The following CUL2 variants were observed in gnomAD, a reference collection of about 807,000 sequenced individuals.
CUL2 encodes cullin-2.
Under a neutral mutation model 110.2 loss-of-function variants are expected in CUL2, and 22 were observed. That is an observed-to-expected ratio of 0.20 (90% CI 0.14 to 0.28). The LOEUF (loss-of-function observed/expected upper bound fraction) is 0.28. Ranked by LOEUF, CUL2 falls within the 10% of genes least tolerant of loss-of-function variation. The pLI is 1.00. For missense variants in CUL2, 631 were observed against 905.5 expected (o/e 0.70, Z 3.89); for synonymous variants, 279 against 293.2 (o/e 0.95, Z 0.49).
chr10:35,063,099 A>G, intron 2 of CUL2, 37 bp from the exon 3 acceptor site: 1 of 1,160,952 alleles, frequency 8.6e-7, no homozygotes, highest in East Asian at 2.3e-5. Flanking sequence ...TTTATTGGAG[A>G]CAATTTTAAA....
chr10:35,096,387 T>G (rs1036148820), intron 2 of CUL2, among the ~76,000 whole-genome samples: 1 of 152,166 alleles, frequency 6.6e-6, no homozygotes, highest in Non-Finnish European at 1.5e-5. Flanking sequence ...GAAGGGTTAC[T>G]TGAGGCCAGG....
chr10:35,071,457 T>A, intron 1 of CUL2, 118 bp from the exon 2 acceptor site: 1 of 791,590 alleles, frequency 1.3e-6, no homozygotes, highest in East Asian at 2.8e-5. Flanking sequence ...CAGGCTGGAG[T>A]GCAATGGCGT....
chr10:35,115,196 C>T (rs962192064), intron 1 of CUL2, among the ~76,000 whole-genome samples: 1 of 151,294 alleles, frequency 6.6e-6, no homozygotes, highest in Non-Finnish European at 1.5e-5. Context: ...CGAGGTCATG[C>T]TACTGCATGC....
rs146014357 is a variant in CUL2, at chr10:35,088,444, T to A, written c.-23+1735A>T. On this transcript the variant is annotated intron_variant, in intron 1 of 20. Coordinates refer to ENST00000374749, the MANE Select transcript of CUL2 (RefSeq NM_003591.4). ...AATTGCTTGAACTGGGAGGTTGCAG[T>A]GAGCCCAGATCGTGCCACCGCACTT... 8.3e-4 allele frequency among the ~76,000 whole-genome samples: 100 copies of A among 120,944 alleles called. 2 individuals are homozygous for A. In the East Asian group the frequency reaches 0.024, roughly 29 times the overall value. 79.3% of individuals were successfully genotyped at this position (120,944 alleles called of 152,430 possible). A position where few individuals can be genotyped will look rare whatever the true frequency, so the allele number is the denominator to read the frequency against.
At chr10:35,043,246 T>G (rs954045694) in intron 8 of CUL2, among the ~76,000 whole-genome samples, 3 of 152,098 alleles carry the variant, frequency 2.0e-5, no homozygotes, top group African/African-American at 7.3e-5. Context: ...CAGAGCAAAG[T>G]GCATGTATCA....
chr10:35,092,445 G>A (rs11593858), upstream of CUL2, among the ~76,000 whole-genome samples: 44,571 of 152,076 alleles, frequency 0.29, 7,063 homozygotes, highest in South Asian at 0.35. Context: ...TGGATGAAGC[G>A]GAAGCATTAA....
chr10:35,021,262 C>CT (rs35593540), intron 17 of CUL2, among the ~76,000 whole-genome samples: 114 of 144,760 alleles, frequency 7.9e-4, no homozygotes, highest in Middle Eastern at 3.5e-3. Context: ...TTCTTTCTTT[C>CT]TTTTTTTTTT....
At chr10:35,108,476 A>AG (rs1222595886) in intron 1 of CUL2, among the ~76,000 whole-genome samples, 2 of 151,960 alleles carry the variant, frequency 1.3e-5, no homozygotes, top group Admixed American at 6.6e-5. Context: ...AAGGAAAAAA[A>AG]GAAAAAAAAC....
At chr10:35,075,207 C>T (rs1427098779) in intron 1 of CUL2, among the ~76,000 whole-genome samples, 3 of 152,138 alleles carry the variant, frequency 2.0e-5, no homozygotes, top group Admixed American at 2.0e-4. Context: ...GTGAAACACA[C>T]CAAAAACTGA....
chr10:35,109,088 C>G (rs1360517969), intron 1 of CUL2, among the ~76,000 whole-genome samples: 2 of 151,980 alleles, frequency 1.3e-5, no homozygotes, highest in Non-Finnish European at 2.9e-5. Flanking sequence ...TGGTGCACAC[C>G]TATAGTTCCA....
intron 1 of CUL2, among the ~76,000 whole-genome samples, chr10:35,121,158 A>C (rs757998610): frequency 6.6e-6 from 1 of 152,216 alleles, no homozygotes; most frequent in Non-Finnish European, 1.5e-5. Context: ...AGGAGCTATT[A>C]GAGAAAGAGT....
At chr10:35,109,237 C>A (rs1465761521) in intron 1 of CUL2, among the ~76,000 whole-genome samples, 1 of 152,096 alleles carries the variant, frequency 6.6e-6, no homozygotes, top group Non-Finnish European at 1.5e-5. Context: ...CAGAGTGAGA[C>A]CCTGTCTCAA....
Position 35,038,970 on chromosome 10 carries a change from T to C in CUL2, c.827A>G (p.Gln276Arg), listed in dbSNP as rs753703112. ...ATTATGACATTCTGCATGTAAAAAC[T>C]GTAAGTGGTCTGCTACCATTCGTTG... Reference protein sequence around the residue: ...CQQRMVADHLQFLHAECHNII... With the variant: ...CQQRMVADHLRFLHAECHNII... Residue 276 changes from glutamine (Q) to arginine (R), a missense_variant, in exon 9 of 21, where the codon CAG becomes CGG. This residue lies in a region of CUL2 where 338 missense variants were observed against 442.5 expected (regional missense o/e 0.76). Coordinates refer to ENST00000374749, the MANE Select transcript of CUL2 (RefSeq NM_003591.4). The C allele has an allele frequency of 1.7e-5, 28 of 1,609,226 alleles. No homozygotes were observed. Among genetic ancestry groups the C allele is most frequent in the Non-Finnish European group, 2.2e-5 (26 of 1,177,276 alleles).
upstream of CUL2, among the ~76,000 whole-genome samples, chr10:35,093,469 G>C (rs2087244698): frequency 1.3e-5 from 2 of 151,524 alleles, no homozygotes; most frequent in South Asian, 4.2e-4. Context: ...GATCAGCCTG[G>C]ACAATATAGC....
chr10:35,090,236 G>T lies in CUL2; in HGVS notation c.-80C>A. On this transcript the variant is annotated 5_prime_UTR_variant, in exon 1 of 21. Coordinates refer to ENST00000374749, the MANE Select transcript of CUL2 (RefSeq NM_003591.4). ...AAGGGGAGGGGGAGGCAGCCCGAAG[G>T]AGTGAAAGACGAAGCCCCGGCGAGG... 6.4e-6 allele frequency: 1 copy of T among 156,652 alleles called. No individual in the cohort carries two copies. The highest frequency in any genetic ancestry group is 1.7e-4 in the South Asian group (1 of 5,722). 9.7% of individuals were successfully genotyped at this position (156,652 alleles called of 1,614,324 possible).
At chr10:35,049,480 C>T (rs1256231058) in intron 6 of CUL2, among the ~76,000 whole-genome samples, 1 of 146,546 alleles carries the variant, frequency 6.8e-6, no homozygotes, top group Non-Finnish European at 1.5e-5. Flanking sequence ...GAGCTCCCCC[C>T]ACCAAAAAGA....
intron 4 of CUL2, among the ~76,000 whole-genome samples, chr10:35,056,484 AAAGAGCT>A (rs2086242975): frequency 6.6e-6 from 1 of 152,200 alleles, no homozygotes; most frequent in South Asian, 2.1e-4. Context: ...TAGAGAGGTT[AAAGAGCT>A]TGCCAAAGGT....
At chr10:35,036,419 A>G (rs2085622012) in intron 9 of CUL2, among the ~76,000 whole-genome samples, 1 of 152,144 alleles carries the variant, frequency 6.6e-6, no homozygotes, top group South Asian at 2.1e-4. Context: ...CTTTTTGTAT[A>G]TATGTCCAGG....
chr10:35,044,640 C>T lies in CUL2; in HGVS notation c.640G>A (p.Glu214Lys), dbSNP rs2085887943. Residue 214 changes from glutamate (E) to lysine (K), a missense_variant, in exon 8 of 21, where the codon GAA becomes AAA. Transcript: ENST00000374749. ...QEIFESPFLT[E>K]TGEYYKQEAS... ...TCTTGTTTGTAATACTCTCCTGTTT[C>T]AGTCAGAAAGGGAGACTCAAAAATT... 1 of 1,610,938 alleles carries T rather than the reference C, an allele frequency of 6.2e-7. No individual in the cohort carries two copies. Among genetic ancestry groups the T allele is most frequent in the Non-Finnish European group, 8.5e-7 (1 of 1,179,292 alleles).
Sources: allele counts gnomAD v4.1 joint callset (sites outside exome capture counted in the v4.1 genomes callset), GRCh38; gene constraint gnomAD v4.1.1; regional missense constraint gnomAD v4.1.1; transcripts MANE v1.5; gene names NCBI Gene and HGNC (gene_info 2026-07-23, HGNC 2026-07-21).